RANBP17: variants seen among roughly 807,000 people sequenced by gnomAD.
RANBP17 encodes the protein RAN binding protein 17, also known as ran-binding protein 17.
A neutral mutation model predicts 141.2 loss-of-function variants in RANBP17; 158 were observed. That is an observed-to-expected ratio of 1.12 (90% CI 0.98 to 1.28). The LOEUF (loss-of-function observed/expected upper bound fraction) is 1.28, where lower values mean the gene tolerates loss of function less well. Among genes scored for constraint, RANBP17 ranks in the 50% most tolerant of loss-of-function variants. The probability of loss-of-function intolerance (pLI) is 0.00; values close to 1 mark genes in which losing one functional copy is unlikely to be tolerated. For missense variants in RANBP17, 1,438 were observed against 1,290.7 expected, an observed-to-expected ratio of 1.11 and a Z score of -1.75; for synonymous variants, 430 against 450.0, an observed-to-expected ratio of 0.96 and a Z score of 0.56.
intron 24 of RANBP17, among the ~76,000 whole-genome samples, chr5:171,255,003 G>A (rs541730771): frequency 2.0e-5 from 3 of 152,160 alleles, no homozygotes; most frequent in Admixed American, 2.0e-4. Context: ...TAGGTAATTG[G>A]GCTGCTTAAA....
At chr5:171,271,714 A>G (rs1456465364) in intron 25 of RANBP17, 1 of 211,580 alleles carries the variant, frequency 4.7e-6, no homozygotes, top group Non-Finnish European at 9.6e-6. Context: ...TCACAACTGG[A>G]TCAGGTAATA....
intron 14 of RANBP17, among the ~76,000 whole-genome samples, chr5:171,015,840 A>G (rs777359440): frequency 1.6e-4 from 24 of 152,236 alleles, no homozygotes; most frequent in Non-Finnish European, 2.8e-4. Flanking sequence ...CATGAATTAG[A>G]AGGTTTTCTG....
At chr5:171,068,194 C>G (rs1180941076) in intron 14 of RANBP17, among the ~76,000 whole-genome samples, 1 of 151,990 alleles carries the variant, frequency 6.6e-6, no homozygotes. Context: ...AATTTCAGCT[C>G]TTATAATTTT....
intron 24 of RANBP17, among the ~76,000 whole-genome samples, chr5:171,256,092 A>G (rs898844656): frequency 2.0e-5 from 3 of 152,202 alleles, no homozygotes; most frequent in Admixed American, 2.0e-4. Flanking sequence ...TAGAAAGACC[A>G]CATTTTCATA....
intron 14 of RANBP17, among the ~76,000 whole-genome samples, chr5:171,153,221 T>C (rs1360219313): frequency 6.6e-6 from 1 of 152,206 alleles, no homozygotes; most frequent in African/African-American, 2.4e-5. Flanking sequence ...GTCATATTTC[T>C]GAAGTAGGTG....
chr5:170,911,903 G>T (rs575264362), intron 7 of RANBP17, among the ~76,000 whole-genome samples: 2 of 151,832 alleles, frequency 1.3e-5, no homozygotes, highest in Non-Finnish European at 2.9e-5. Context: ...GGCTGACGGG[G>T]TTTGATAAAA....
rs577053926 is a variant in RANBP17 at position 171,232,029 on chromosome 5, G to A, written c.2423-8899G>A. Among the ~76,000 whole-genome samples, 3 of 152,146 alleles carry A rather than the reference G, an allele frequency of 2.0e-5. No individual in the cohort carries two copies. The South Asian group carries it at 6.2e-4, about 32-fold the overall frequency. On this transcript the variant is annotated intron_variant, in intron 22 of 27. Transcript: ENST00000523189. ...ATCTTTTAAGATTACCTAGCTTATG[G>A]GAAATACAAATAATACCATGTAAAG...
chr5:171,111,625 T>C (rs1755240306), intron 14 of RANBP17, among the ~76,000 whole-genome samples: 1 of 152,148 alleles, frequency 6.6e-6, no homozygotes, highest in Non-Finnish European at 1.5e-5. Context: ...TGAGCTATAT[T>C]CATTCCACCT....
chr5:170,873,904 C>T (rs1036654505), intron 1 of RANBP17, among the ~76,000 whole-genome samples: 3 of 152,008 alleles, frequency 2.0e-5, no homozygotes, highest in African/African-American at 7.3e-5. Context: ...TTTCTTTGCT[C>T]TTGCTTCTCT....
At chr5:171,138,376 A>C (rs1251528238) in intron 14 of RANBP17, among the ~76,000 whole-genome samples, 1 of 152,176 alleles carries the variant, frequency 6.6e-6, no homozygotes, top group African/African-American at 2.4e-5. Flanking sequence ...GAATGCCATA[A>C]GAATAACTGG....
chr5:171,068,773 T>G (rs1784458693), intron 14 of RANBP17, among the ~76,000 whole-genome samples: 1 of 152,086 alleles, frequency 6.6e-6, no homozygotes, highest in Non-Finnish European at 1.5e-5. Context: ...GTATTTTTAG[T>G]AGAGACAGGA....
At position 170,896,030 on chromosome 5, in the gene RANBP17, C is replaced by T. The variant is rs761403403; in HGVS notation, c.424-20C>T. On this transcript the variant is annotated intron_variant, in intron 4 of 27. Coordinates refer to ENST00000523189, the MANE Select transcript of RANBP17 (RefSeq NM_022897.5). Reference sequence around the variant, plus strand: ...ATCACTTGTCTCCACTTAGGCTAAACTTTGTTATTTTCTCCAAAGGGTACT... The same window carrying T: ...ATCACTTGTCTCCACTTAGGCTAAATTTTGTTATTTTCTCCAAAGGGTACT... 6.5e-7 allele frequency: 1 copy of T among 1,541,844 alleles called. No homozygotes were observed. The highest frequency in any genetic ancestry group is 1.2e-5 in the South Asian group (1 of 81,780).
intron 25 of RANBP17, among the ~76,000 whole-genome samples, chr5:171,285,856 G>A (rs1462327478): frequency 1.3e-5 from 2 of 152,170 alleles, no homozygotes; most frequent in Non-Finnish European, 2.9e-5. Context: ...TGTGATGTGT[G>A]CAGTAACATT....
intron 3 of RANBP17, among the ~76,000 whole-genome samples, chr5:170,888,627 A>G (rs890838320): frequency 2.8e-4 from 43 of 152,240 alleles, no homozygotes; most frequent in African/African-American, 9.1e-4. Context: ...CATATTTTCT[A>G]CATATCATGC....
chr5:171,060,661 G>A (rs943230574), intron 14 of RANBP17, among the ~76,000 whole-genome samples: 4 of 152,128 alleles, frequency 2.6e-5, no homozygotes, highest in Admixed American at 1.3e-4. Context: ...TTGGTATCAG[G>A]ATGATGCTGG....
At chr5:171,107,632 C>A (rs1015404543) in intron 14 of RANBP17, among the ~76,000 whole-genome samples, 1 of 152,166 alleles carries the variant, frequency 6.6e-6, no homozygotes, top group African/African-American at 2.4e-5. Context: ...CCCATCATGA[C>A]TCTAGTCTCT....
chr5:171,132,922 G>T (rs545464128), intron 14 of RANBP17, among the ~76,000 whole-genome samples: 1 of 151,878 alleles, frequency 6.6e-6, no homozygotes, highest in African/African-American at 2.4e-5. Flanking sequence ...TTTCGCTCTT[G>T]TTGCCCAGGC....
intron 14 of RANBP17, among the ~76,000 whole-genome samples, chr5:171,099,393 G>C (rs1258761950): frequency 6.6e-6 from 1 of 151,858 alleles, no homozygotes; most frequent in Non-Finnish European, 1.5e-5. Flanking sequence ...ATGGGAGTTT[G>C]CTCATGATTT....
chr5:170,915,445 C>T (rs959814591), intron 8 of RANBP17, among the ~76,000 whole-genome samples: 4 of 151,964 alleles, frequency 2.6e-5, no homozygotes, highest in Non-Finnish European at 4.4e-5. Context: ...GTCTTTTTTG[C>T]CCCCAACCCC....
Sources: gnomAD v4.1 joint callset for allele counts (sites outside exome capture counted in the v4.1 genomes callset) on GRCh38, gnomAD v4.1.1 for gene constraint, MANE v1.5 for transcripts, NCBI Gene and HGNC (gene_info 2026-07-23, HGNC 2026-07-21) for gene names.